The following GALNT7 variants were observed in gnomAD, a reference collection of about 807,000 sequenced individuals.
GALNT7 encodes the protein polypeptide N-acetylgalactosaminyltransferase 7.
In GALNT7, 60 loss-of-function variants were observed where a neutral mutation model predicts 82.1. The ratio of observed to expected loss-of-function variants is 0.73; its 90% CI spans 0.59 to 0.91. The LOEUF (loss-of-function observed/expected upper bound fraction) is 0.91, where lower values mean the gene tolerates loss of function less well. GALNT7 is among the 40% of genes least tolerant of loss of function. GALNT7 has a pLI of 0.00. For missense variants in GALNT7, 660 were observed against 804.2 expected (o/e 0.82, Z 2.17); for synonymous variants, 243 against 275.1 (o/e 0.88, Z 1.15).
chr4:173,213,984 A>G (rs190827893), intron 1 of GALNT7, among the ~76,000 whole-genome samples: 1 of 152,200 alleles, frequency 6.6e-6, no homozygotes, highest in Admixed American at 6.5e-5. Flanking sequence ...CTTCTACTGT[A>G]TGTTTCTGAA....
At chr4:173,305,793 T>G (rs1189319552) in intron 8 of GALNT7, among the ~76,000 whole-genome samples, 1 of 152,240 alleles carries the variant, frequency 6.6e-6, no homozygotes, top group African/African-American at 2.4e-5. Flanking sequence ...TTTTGATTAC[T>G]ATAGCTTAGT....
At chr4:173,228,032 G>T (rs1009385622) in intron 1 of GALNT7, among the ~76,000 whole-genome samples, 1 of 151,714 alleles carries the variant, frequency 6.6e-6, no homozygotes, top group Non-Finnish European at 1.5e-5. Flanking sequence ...TGACCCCTTT[G>T]GCAGCCAACA....
At chr4:173,258,584 A>G (rs895135882) in intron 2 of GALNT7, among the ~76,000 whole-genome samples, 1 of 152,188 alleles carries the variant, frequency 6.6e-6, no homozygotes, top group Non-Finnish European at 1.5e-5. Context: ...TGTTACACCT[A>G]TATGCCTAGC....
chr4:173,280,417 T>C (rs1326759907), intron 2 of GALNT7, among the ~76,000 whole-genome samples: 1 of 151,916 alleles, frequency 6.6e-6, no homozygotes, highest in Non-Finnish European at 1.5e-5. Flanking sequence ...ATTTTTGAAA[T>C]CTATTTTTTA....
intron 2 of GALNT7, among the ~76,000 whole-genome samples, chr4:173,281,517 C>A (rs952744355): frequency 1.3e-5 from 2 of 152,144 alleles, no homozygotes; most frequent in African/African-American, 4.8e-5. Flanking sequence ...TAGCTACCAT[C>A]CATGTTCCCC....
chr4:173,294,466 T>G (rs901336407), intron 3 of GALNT7, among the ~76,000 whole-genome samples: 7 of 152,252 alleles, frequency 4.6e-5, no homozygotes, highest in Admixed American at 2.6e-4. Context: ...AAATATTAAG[T>G]ATACAGTCTG....
intron 2 of GALNT7, among the ~76,000 whole-genome samples, chr4:173,278,546 C>T (rs547596310): frequency 4.6e-4 from 70 of 152,202 alleles, no homozygotes; most frequent in Non-Finnish European, 8.1e-4. Context: ...GGAACATGCA[C>T]CTAAACCAAC....
intron 1 of GALNT7, among the ~76,000 whole-genome samples, chr4:173,220,627 A>G (rs906647422): frequency 4.6e-5 from 7 of 150,658 alleles, no homozygotes; most frequent in Non-Finnish European, 1.0e-4. Context: ...CATTAGGTAT[A>G]TCTTCCAGTG....
At chr4:173,182,141 T>C (rs1381286494) in intron 1 of GALNT7, among the ~76,000 whole-genome samples, 1 of 152,234 alleles carries the variant, frequency 6.6e-6, no homozygotes, top group Non-Finnish European at 1.5e-5. Flanking sequence ...TTTATTCTTA[T>C]TTGCAACTAC....
intron 8 of GALNT7, among the ~76,000 whole-genome samples, chr4:173,304,817 A>G (rs1461035743): frequency 6.6e-6 from 1 of 151,690 alleles, no homozygotes; most frequent in African/African-American, 2.4e-5. Flanking sequence ...ATTTAACATA[A>G]TATTCTCCAT....
intron 1 of GALNT7, among the ~76,000 whole-genome samples, chr4:173,203,312 C>T (rs898901218): frequency 5.3e-5 from 8 of 152,174 alleles, no homozygotes; most frequent in Admixed American, 6.5e-5. Context: ...AGAATGGTCT[C>T]GATCTCCTGA....
intron 8 of GALNT7, among the ~76,000 whole-genome samples, chr4:173,307,001 T>C (rs1737179206): frequency 6.6e-6 from 1 of 152,244 alleles, no homozygotes; most frequent in Non-Finnish European, 1.5e-5. Context: ...GTTCTGGGAC[T>C]ACTGAGGATA....
At chr4:173,221,193 T>A (rs1733633562) in intron 1 of GALNT7, among the ~76,000 whole-genome samples, 2 of 152,234 alleles carry the variant, frequency 1.3e-5, no homozygotes, top group African/African-American at 2.4e-5. Context: ...TGATCGCCAT[T>A]CTAACTGGTG....
chr4:173,193,727 G>A (rs1033291324), intron 1 of GALNT7, among the ~76,000 whole-genome samples: 3 of 152,118 alleles, frequency 2.0e-5, no homozygotes, highest in Non-Finnish European at 4.4e-5. Flanking sequence ...CAAATAATGA[G>A]TAGTGTGTTA....
At chr4:173,304,376 A>G (rs1336271569) in intron 8 of GALNT7, among the ~76,000 whole-genome samples, 1 of 151,860 alleles carries the variant, frequency 6.6e-6, no homozygotes, top group Admixed American at 6.6e-5. Context: ...TCCCCGCTGG[A>G]TGACAGAACG....
intron 1 of GALNT7, among the ~76,000 whole-genome samples, chr4:173,230,160 T>C (rs745847147): frequency 6.6e-6 from 1 of 152,210 alleles, no homozygotes; most frequent in Admixed American, 6.5e-5. Context: ...CAATAAATTA[T>C]TGCATATTAT....
intron 2 of GALNT7, among the ~76,000 whole-genome samples, chr4:173,279,900 G>A (rs932118172): frequency 7.2e-5 from 11 of 152,060 alleles, no homozygotes; most frequent in African/African-American, 2.2e-4. Context: ...ACTTGAACCC[G>A]GGTGGCAGAG....
chr4:173,216,597 C>G (rs1049997203), intron 1 of GALNT7, among the ~76,000 whole-genome samples: 4 of 150,742 alleles, frequency 2.7e-5, no homozygotes, highest in African/African-American at 9.8e-5. Context: ...GTATTTGGCT[C>G]TCTATTTGGC....
intron 2 of GALNT7, among the ~76,000 whole-genome samples, chr4:173,275,570 G>A (rs979704868): frequency 1.3e-5 from 2 of 152,192 alleles, no homozygotes; most frequent in Non-Finnish European, 2.9e-5. Context: ...CATGAGCTAC[G>A]TGCAGCAGTA....
Sources: allele counts gnomAD v4.1 joint callset (sites outside exome capture counted in the v4.1 genomes callset), GRCh38; gene constraint gnomAD v4.1.1; transcripts MANE v1.5; gene names NCBI Gene and HGNC (gene_info 2026-07-23, HGNC 2026-07-21).